The following TPO variants were observed in gnomAD, a reference collection of about 807,000 sequenced individuals.
TPO encodes thyroid microsomal antigen.
Under a neutral mutation model 96.9 loss-of-function variants are expected in TPO, and 78 were observed. That is an observed-to-expected ratio of 0.81 (90% confidence interval 0.67 to 0.97). The LOEUF (loss-of-function observed/expected upper bound fraction) is 0.97. TPO is among the 50% of genes least tolerant of loss of function. TPO has a pLI of 0.00. For synonymous variants in TPO, 547 were observed against 538.0 expected, an observed-to-expected ratio of 1.02 and a Z score of -0.23; for missense variants, 1,252 against 1,274.8, an observed-to-expected ratio of 0.98 and a Z score of 0.27.
chr2:1,540,517 G>A (rs539853236), intron 15 of TPO, 77 bp from the exon 16 acceptor site: 8 of 1,601,774 alleles, frequency 5.0e-6, no homozygotes, highest in African/African-American at 2.7e-5. Flanking sequence ...CCTTGCCGTC[G>A]CTCGTGCCGT....
intron 16 of TPO, chr2:1,541,188 CTTTTGAACT>C: frequency 8.5e-7 from 1 of 1,171,124 alleles, no homozygotes; most frequent in Non-Finnish European, 1.1e-6. Flanking sequence ...GTAAGTCTGA[CTTTTGAACT>C]GAGAGAAGCA....
chr2:1,542,284 G>T, intron 16 of TPO, 137 bp from the exon 17 acceptor site: 1 of 1,203,712 alleles, frequency 8.3e-7, no homozygotes. Context: ...TGACAAGCAA[G>T]AAGGATGGCT....
Position 1,496,576 on chromosome 2 carries a change from A to C in TPO, c.2216-19A>C, listed in dbSNP as rs563062051. ...TTTCTCGTAGTTTGACTACATGTCA[A>C]CCTGTCCACATTTCATAGACGACAA... On this transcript the variant is annotated intron_variant, in intron 12 of 16. Transcript: ENST00000329066. The C allele has an allele frequency of 1.6e-5, 26 of 1,613,292 alleles. No homozygotes were observed. The highest frequency in any genetic ancestry group is 4.5e-5 in the East Asian group (2 of 44,852).
rs121908084 is a variant in TPO at position 1,487,991 on chromosome 2, G to C, written c.1768G>C (p.Gly590Arg). 6.2e-7 allele frequency: 1 copy of C among 1,612,676 alleles called. No homozygotes were observed. Among genetic ancestry groups the C allele is most frequent in the African/African-American group, 1.3e-5 (1 of 74,896 alleles). ...GAGGGGCCGGGACCACGGGCTGCCA[G>C]GTCTGCCAGTTCCTTCCCTTGCACA... is the stretch of plus-strand genomic sequence containing the variant. ...LQRGRDHGLP[G>R]YNEWREFCGL... is the part of the protein sequence containing the mutation. The change falls in exon 10 of 17, where the codon GGT becomes CGT. Residue 590 changes from glycine (G) to arginine (R), a missense_variant and splice_region_variant. Gly to Arg is a moderately radical substitution (Grantham distance 125). Transcript: ENST00000329066.
Position 1,459,211 on chromosome 2 carries a change from G to A in TPO, c.819+2929G>A, listed in dbSNP as rs1668170085. Among the ~76,000 whole-genome samples the A allele has an allele frequency of 2.0e-5, 3 of 151,410 alleles. No homozygotes were observed. The South Asian group carries it at 6.2e-4, about 31-fold the overall frequency. ...CAGTCGCCCAGGCTGGAGTGCAGTGGTGCAATCTCGGCTCACTGCAACCTC... is the reference window on the plus strand; with the variant it reads ...CAGTCGCCCAGGCTGGAGTGCAGTGATGCAATCTCGGCTCACTGCAACCTC... On this transcript the variant is annotated intron_variant, in intron 7 of 16. Transcript: ENST00000329066.
intron 15 of TPO, among the ~76,000 whole-genome samples, chr2:1,525,199 C>A (rs1282671335): frequency 7.5e-6 from 1 of 132,618 alleles, no homozygotes; most frequent in East Asian, 2.1e-4. Flanking sequence ...CAAGTCCCCC[C>A]ACTGTGCAAC....
chr2:1,419,860 G>C lies in TPO; in HGVS notation c.95-3185G>C, dbSNP rs28909997. ...AATAACCCCTGTGAGTTTTCCTCCTGTGACTCTGCCTTTTGTCAGTCTAAT... is the reference window on the plus strand; with the variant it reads ...AATAACCCCTGTGAGTTTTCCTCCTCTGACTCTGCCTTTTGTCAGTCTAAT... On this transcript the variant is annotated intron_variant, in intron 2 of 16. Transcript: ENST00000329066. Among the ~76,000 whole-genome samples the C allele has an allele frequency of 9.5e-4, 145 of 152,292 alleles. 1 individual carries two copies. In the Middle Eastern group the frequency reaches 0.027, roughly 29 times the overall value.
At position 1,496,782 on chromosome 2, in the gene TPO, A is replaced by G. The variant is rs763235373; in HGVS notation, c.2386+17A>G. 3.1e-6 allele frequency: 5 copies of G among 1,614,110 alleles called. No individual in the cohort carries two copies. The highest frequency in any genetic ancestry group is 2.2e-5 in the East Asian group (1 of 44,872). On this transcript the variant is annotated intron_variant, in intron 13 of 16. Coordinates refer to ENST00000329066, the MANE Select transcript of TPO (RefSeq NM_001206744.2). ...TCTGCAAAGGTCAGTCCTTTCTTCA[A>G]TGACAATTACAAAACATCTGAATGT...
At chr2:1,517,742 C>T (rs993638260) in intron 15 of TPO, among the ~76,000 whole-genome samples, 2 of 150,920 alleles carry the variant, frequency 1.3e-5, no homozygotes, top group Non-Finnish European at 2.9e-5. Context: ...CACCTTGCTG[C>T]TCTTGAGCAC....
intron 3 of TPO, among the ~76,000 whole-genome samples, chr2:1,425,919 CG>C (rs1664331986): frequency 1.4e-5 from 2 of 139,522 alleles, no homozygotes; most frequent in South Asian, 4.9e-4. Context: ...TTCTAGATGC[CG>C]GGATACAGAG....
intron 3 of TPO, among the ~76,000 whole-genome samples, chr2:1,425,994 T>C (rs1055056648): frequency 1.3e-5 from 2 of 148,390 alleles, no homozygotes. Context: ...TTGTTCTAGA[T>C]GCCAGGATAC....
At chr2:1,492,150 T>TTTTTTTG (rs1052640225) in intron 10 of TPO, among the ~76,000 whole-genome samples, 1 of 119,640 alleles carries the variant, frequency 8.4e-6, no homozygotes, top group Admixed American at 8.4e-5. Flanking sequence ...AGCTCAGGAT[T>TTTTTTTG]TTTTTTGTTT....
intron 1 of TPO, among the ~76,000 whole-genome samples, chr2:1,395,238 G>A (rs1271111156): frequency 6.6e-6 from 1 of 152,072 alleles, no homozygotes; most frequent in East Asian, 1.9e-4. Flanking sequence ...GCATAACTCA[G>A]AATAAGAAAC....
rs184532805 is a variant in TPO, at chr2:1,542,936, G to A, written c.*462G>A. 1.6e-3 allele frequency: 396 copies of A among 246,274 alleles called. 2 individuals carry two copies. Among genetic ancestry groups the A allele is most frequent in the African/African-American group, 8.2e-3 (368 of 44,640 alleles). The allele number at this position is 246,274 out of a possible 1,614,324, so 15.3% of individuals were successfully genotyped here. A position where few individuals can be genotyped will look rare whatever the true frequency, so the allele number is the denominator to read the frequency against. On this transcript the variant is annotated 3_prime_UTR_variant, in exon 17 of 17. Transcript: ENST00000329066. ...CTGGGAAGAGCACTCCTGGCTTCCTGCAGGGCCGGTGGGAGGAGGAAAGTG... is the reference window on the plus strand; with the variant it reads ...CTGGGAAGAGCACTCCTGGCTTCCTACAGGGCCGGTGGGAGGAGGAAAGTG...
chr2:1,447,855 C>G (rs1666962447), intron 5 of TPO, among the ~76,000 whole-genome samples: 1 of 152,122 alleles, frequency 6.6e-6, no homozygotes, highest in Non-Finnish European at 1.5e-5. Context: ...GCGAGGACTG[C>G]TAGACTCTTA....
At chr2:1,451,811 T>C (rs2148573661) in intron 5 of TPO, among the ~76,000 whole-genome samples, 1 of 152,144 alleles carries the variant, frequency 6.6e-6, no homozygotes, top group African/African-American at 2.4e-5. Flanking sequence ...TATTTTTTTC[T>C]CTTTGAATTG....
rs781738505 is a variant in TPO, at chr2:1,540,717, G to A, written c.2742G>A (p.Ser914=). ...TSPQRAAAQD[S]EQESAGMEGR... ...CGCAGCGGGCCGCAGCTCAGGACTC[G>A]GAGCAGGTGGGCCACACCATGCCGC... Residue 914 remains serine, a synonymous_variant, in exon 16 of 17, where the codon TCG becomes TCA. Transcript: ENST00000329066. 6.2e-6 allele frequency: 10 copies of A among 1,613,306 alleles called. No homozygotes were observed. Among genetic ancestry groups the A allele is most frequent in the East Asian group, 4.5e-5 (2 of 44,876 alleles).
Position 1,423,072 on chromosome 2 carries a change from G to A in TPO, c.122G>A (p.Ser41Asn), listed in dbSNP as rs780233344. The change falls in exon 3 of 17, where the codon AGC (serine) becomes AAC (asparagine). Residue 41 changes from serine (S) to asparagine (N), a missense_variant. Coordinates refer to ENST00000329066, the MANE Select transcript of TPO (RefSeq NM_001206744.2). The stretch of plus-strand genomic sequence containing the variant: ...AAGCCTGAGGAGTCTCGTGTCTCTA[G>A]CGTCTTGGAGGAAAGCAAGCGCCTG... Reference protein sequence around the residue: ...WGKPEESRVSSVLEESKRLVD... With the variant: ...WGKPEESRVSNVLEESKRLVD... 1.9e-6 allele frequency: 3 copies of A among 1,614,052 alleles called. No homozygotes were observed. The highest frequency in any genetic ancestry group is 1.3e-5 in the African/African-American group (1 of 74,936).
chr2:1,538,483 ATAATT>A (rs1346896090), intron 15 of TPO, among the ~76,000 whole-genome samples: 4 of 152,096 alleles, frequency 2.6e-5, no homozygotes, highest in East Asian at 1.9e-4. Context: ...AATATAGAAA[ATAATT>A]TAAAAAGACA....
Sources: allele counts gnomAD v4.1 joint callset (sites outside exome capture counted in the v4.1 genomes callset), GRCh38; gene constraint gnomAD v4.1.1; transcripts MANE v1.5; gene names NCBI Gene and HGNC (gene_info 2026-07-23, HGNC 2026-07-21).